The following TBC1D20 variants were observed in gnomAD, a reference collection of about 807,000 sequenced individuals.
TBC1D20 encodes the protein chromosome 20 open reading frame 140.
A neutral mutation model predicts 41.6 loss-of-function variants in TBC1D20; 12 were observed. That is an observed-to-expected ratio of 0.29 (90% CI 0.18 to 0.47). The LOEUF is 0.47. TBC1D20 is among the 20% of genes least tolerant of loss of function. TBC1D20 has a pLI of 1.00. For synonymous variants in TBC1D20, 205 were observed against 204.8 expected (o/e 1.00, Z -0.01); for missense variants, 421 against 517.4 (o/e 0.81, Z 1.81).
chr20:440,153 A>G (rs2017199646), intron 6 of TBC1D20, 95 bp downstream of exon 6: 1 of 1,485,456 alleles, frequency 6.7e-7, no homozygotes, highest in Non-Finnish European at 9.1e-7. Context: ...TGTCTTTTGC[A>G]TCTTTCCATA....
rs893389357 is a variant in TBC1D20 at position 436,911 on chromosome 20, G to A, written c.*1675C>T. 2.0e-5 allele frequency: 3 copies of A among 153,062 alleles called. No individual in the cohort carries two copies. Among genetic ancestry groups the A allele is most frequent in the Admixed American group, 6.6e-5 (1 of 15,256 alleles). The allele number at this position is 153,062 out of a possible 1,614,324, so 9.5% of individuals were successfully genotyped here. A position where few individuals can be genotyped will look rare whatever the true frequency, so the allele number is the denominator to read the frequency against. ...GCAGATCACCTGAGGTCAGGAGTTC[G>A]AGACCAGCCTGGCCAACGTGGCGAA... On this transcript the variant is annotated 3_prime_UTR_variant, in exon 8 of 8. Transcript: ENST00000354200.
At chr20:452,296 G>A (rs1031431522) in intron 1 of TBC1D20, among the ~76,000 whole-genome samples, 2 of 152,024 alleles carry the variant, frequency 1.3e-5, no homozygotes, top group African/African-American at 4.8e-5. Flanking sequence ...GCGACATAGC[G>A]AGACTCCATC....
At chr20:452,454 C>T (rs2017462785) in intron 1 of TBC1D20, among the ~76,000 whole-genome samples, 1 of 152,066 alleles carries the variant, frequency 6.6e-6, no homozygotes, top group Admixed American at 6.6e-5. Flanking sequence ...CAAAGTGAGA[C>T]CCTGTCTCTA....
intron 5 of TBC1D20, chr20:440,678 T>C (rs2017211599): frequency 3.2e-6 from 1 of 315,496 alleles, no homozygotes; most frequent in East Asian, 6.4e-5. Flanking sequence ...TTCAGAGAAC[T>C]ACGCCATGAT....
intron 1 of TBC1D20, among the ~76,000 whole-genome samples, chr20:455,757 AC>A (rs1399745636): frequency 6.6e-6 from 1 of 151,782 alleles, no homozygotes; most frequent in African/African-American, 2.4e-5. Context: ...ACATGGCGAA[AC>A]CCCGTCTCCA....
chr20:448,978 C>G lies in TBC1D20; in HGVS notation c.71-904G>C, dbSNP rs190454544. Among the ~76,000 whole-genome samples, 4 of 146,548 alleles carry G rather than the reference C, an allele frequency of 2.7e-5. No homozygotes were observed. In the East Asian group the frequency reaches 8.8e-4, roughly 32 times the overall value. On this transcript the variant is annotated intron_variant, in intron 1 of 7. Coordinates refer to ENST00000354200, the MANE Select transcript of TBC1D20 (RefSeq NM_144628.4). ...AATTCTGCCTCAGCCTCCCAAGTAG[C>G]TGGGATTTCAGGCACGCACCACCAT...
intron 2 of TBC1D20, among the ~76,000 whole-genome samples, chr20:445,991 G>A (rs941507407): frequency 2.0e-5 from 3 of 152,232 alleles, no homozygotes; most frequent in Admixed American, 6.5e-5. Context: ...AATAACAAGT[G>A]GCAACTCAAC....
chr20:454,640 C>A (rs1355648621), intron 1 of TBC1D20, among the ~76,000 whole-genome samples: 1 of 146,058 alleles, frequency 6.8e-6, no homozygotes, highest in Non-Finnish European at 1.5e-5. Flanking sequence ...GTTTCTATGA[C>A]AAAGCTGTAC....
rs749832379 is a variant in TBC1D20 at position 445,149 on chromosome 20, C to G, written c.257-19G>C. 6.4e-7 allele frequency: 1 copy of G among 1,570,918 alleles called. No homozygotes were observed. Among genetic ancestry groups the G allele is most frequent in the African/African-American group, 1.4e-5 (1 of 73,960 alleles). On this transcript the variant is annotated intron_variant, in intron 2 of 7. Transcript: ENST00000354200. ...TTCTTCCCTATTGAAGGAAAAGGCA[C>G]GTTATTGCAGGAATGCCTGAGAAGC...
At chr20:442,378 T>C (rs1423757443) in intron 3 of TBC1D20, among the ~76,000 whole-genome samples, 1 of 152,228 alleles carries the variant, frequency 6.6e-6, no homozygotes, top group East Asian at 1.9e-4. Context: ...GCATCATGTC[T>C]GCAGGATTTC....
At chr20:460,952 C>CACA (rs1382911819) in intron 1 of TBC1D20, among the ~76,000 whole-genome samples, 1 of 152,208 alleles carries the variant, frequency 6.6e-6, no homozygotes, top group Non-Finnish European at 1.5e-5. Context: ...GGACAGACAT[C>CACA]ACACAAACAC....
At chr20:452,276 C>T (rs2017458608) in intron 1 of TBC1D20, among the ~76,000 whole-genome samples, 1 of 152,128 alleles carries the variant, frequency 6.6e-6, no homozygotes, top group African/African-American at 2.4e-5. Flanking sequence ...AACTGCACTC[C>T]AGCCTGGGCG....
At chr20:448,735 C>G (rs1449801485) in intron 1 of TBC1D20, among the ~76,000 whole-genome samples, 3 of 151,460 alleles carry the variant, frequency 2.0e-5, no homozygotes, top group Non-Finnish European at 4.4e-5. Flanking sequence ...GTTGCCCAGG[C>G]TGGCCTCAAA....
chr20:459,799 C>T (rs150207), intron 1 of TBC1D20, among the ~76,000 whole-genome samples: 69,958 of 151,880 alleles, frequency 0.46, 16,811 homozygotes, highest in East Asian at 0.75. Context: ...TGGGACACTT[C>T]ATCTGAACTG....
chr20:443,969 C>T (rs1372184333), intron 3 of TBC1D20, among the ~76,000 whole-genome samples: 2 of 151,886 alleles, frequency 1.3e-5, no homozygotes, highest in East Asian at 1.9e-4. Context: ...ATTAAAAACA[C>T]ACACACACAA....
At chr20:448,785 A>G (rs1289291655) in intron 1 of TBC1D20, among the ~76,000 whole-genome samples, 2 of 151,346 alleles carry the variant, frequency 1.3e-5, no homozygotes. Context: ...AGCCTTCCAA[A>G]CAGCTGGGAC....
intron 1 of TBC1D20, among the ~76,000 whole-genome samples, chr20:453,140 C>T (rs202056507): frequency 1.2e-4 from 12 of 97,208 alleles, no homozygotes; most frequent in African/African-American, 4.2e-4. Flanking sequence ...GCAACAAGAG[C>T]GAAACTCCGT....
chr20:444,360 A>G (rs1280746678), intron 3 of TBC1D20, among the ~76,000 whole-genome samples: 1 of 152,212 alleles, frequency 6.6e-6, no homozygotes, highest in Non-Finnish European at 1.5e-5. Flanking sequence ...GGAGGCAGCC[A>G]GCTTAGAGGC....
At position 438,856 on chromosome 20, in the gene TBC1D20, G is replaced by C. The variant is rs1426891892; in HGVS notation, c.957-15C>G. On this transcript the variant is annotated splice_polypyrimidine_tract_variant and intron_variant, in intron 7 of 7. Transcript: ENST00000354200. ...AGGCTGCCGTCCTGCAGGGGAAAGA[G>C]ACGGAAGGAAGGAAGTGGTATGAAA... 1 of 1,610,394 alleles carries C rather than the reference G, an allele frequency of 6.2e-7. No individual in the cohort carries two copies. Among genetic ancestry groups the C allele is most frequent in the South Asian group, 1.1e-5 (1 of 91,022 alleles).
Sources: allele counts gnomAD v4.1 joint callset (sites outside exome capture counted in the v4.1 genomes callset), GRCh38; gene constraint gnomAD v4.1.1; transcripts MANE v1.5; gene names NCBI Gene and HGNC (gene_info 2026-07-23, HGNC 2026-07-21).